The following TRAK2 variants were observed in gnomAD, a reference collection of about 807,000 sequenced individuals.
TRAK2 encodes trafficking kinesin-binding protein 2.
A neutral mutation model predicts 104.6 loss-of-function variants in TRAK2; 81 were observed. The ratio of observed to expected loss-of-function variants is 0.77; its 90% confidence interval spans 0.65 to 0.93. The LOEUF (loss-of-function observed/expected upper bound fraction) is 0.93, where lower values mean the gene tolerates loss of function less well. TRAK2 is among the 40% of genes least tolerant of loss of function. The pLI, the probability that TRAK2 is intolerant of heterozygous loss-of-function variation, is 0.00. For missense variants in TRAK2, 1,002 were observed against 1,089.0 expected (o/e 0.92, Z 1.12); for synonymous variants, 406 against 394.4 (o/e 1.03, Z -0.35).
intron 3 of TRAK2, among the ~76,000 whole-genome samples, chr2:201,405,684 G>T (rs576073472): frequency 6.6e-6 from 1 of 152,260 alleles, no homozygotes; most frequent in South Asian, 2.1e-4. Flanking sequence ...ATTTCAGTTT[G>T]AAAGTTCTCA....
intron 1 of TRAK2, among the ~76,000 whole-genome samples, chr2:201,437,577 C>A (rs74987620): frequency 6.6e-6 from 1 of 152,162 alleles, no homozygotes; most frequent in Admixed American, 6.5e-5. Flanking sequence ...CACCAATTCA[C>A]CTGATCAGCA....
intron 2 of TRAK2, among the ~76,000 whole-genome samples, chr2:201,418,474 AT>A (rs577995484): frequency 4.9e-4 from 75 of 152,328 alleles, no homozygotes; most frequent in African/African-American, 1.8e-3. Flanking sequence ...GGCCAGAATA[AT>A]TTTTGAAAAA....
intron 2 of TRAK2, chr2:201,411,585 T>C (rs1318706285): frequency 2.6e-6 from 2 of 775,684 alleles, no homozygotes; most frequent in Non-Finnish European, 4.7e-6. Flanking sequence ...ATTAAGATTG[T>C]TTTCAATACT....
chr2:201,435,943 A>T (rs2125660772), intron 1 of TRAK2, among the ~76,000 whole-genome samples: 1 of 152,284 alleles, frequency 6.6e-6, no homozygotes, highest in Non-Finnish European at 1.5e-5. Flanking sequence ...AAACCTTCAC[A>T]TGCAACTGAA....
At chr2:201,401,828 G>C (rs1372137524) in intron 3 of TRAK2, among the ~76,000 whole-genome samples, 1 of 152,034 alleles carries the variant, frequency 6.6e-6, no homozygotes, top group Non-Finnish European at 1.5e-5. Flanking sequence ...AATGATTCCA[G>C]TCACACTAAA....
intron 13 of TRAK2, among the ~76,000 whole-genome samples, 174 bp from the exon 14 acceptor site, chr2:201,386,658 G>A (rs1951393974): frequency 6.6e-6 from 1 of 152,188 alleles, no homozygotes; most frequent in Admixed American, 6.5e-5. Flanking sequence ...AAGATGACAA[G>A]ATGTCAAAGG....
At chr2:201,430,211 C>T (rs10931947) in intron 1 of TRAK2, among the ~76,000 whole-genome samples, 2,553 of 152,258 alleles carry the variant, frequency 0.017, 34 homozygotes, top group Middle Eastern at 0.041. Context: ...GAGGGGTACC[C>T]GGCTGTATGA....
chr2:201,436,294 A>T (rs960784266), intron 1 of TRAK2, among the ~76,000 whole-genome samples: 3 of 152,168 alleles, frequency 2.0e-5, no homozygotes, highest in Non-Finnish European at 4.4e-5. Flanking sequence ...ATCTGTGGGT[A>T]CTAAAATATG....
At chr2:201,411,019 C>T (rs1439747578) in intron 2 of TRAK2, 2 of 1,363,894 alleles carry the variant, frequency 1.5e-6, no homozygotes, top group African/African-American at 2.9e-5. Context: ...ACATTTAGGC[C>T]ATTTGTCAAA....
At chr2:201,386,519 G>A (rs1250545197) in intron 13 of TRAK2, 35 bp from the exon 14 acceptor site, 2 of 1,604,002 alleles carry the variant, frequency 1.2e-6, no homozygotes, top group Non-Finnish European at 8.5e-7. Context: ...GGAAAGGCAT[G>A]TTTTACATTT....
intron 3 of TRAK2, 91 bp downstream of exon 3, chr2:201,407,312 C>T (rs1283970794): frequency 9.1e-7 from 1 of 1,097,954 alleles, no homozygotes; most frequent in Non-Finnish European, 1.3e-6. Context: ...TGAACAATGG[C>T]TACTAAACAT....
intron 15 of TRAK2, among the ~76,000 whole-genome samples, chr2:201,381,872 C>G (rs1482381203): frequency 6.6e-6 from 1 of 152,006 alleles, no homozygotes; most frequent in African/African-American, 2.4e-5. Flanking sequence ...CAACCTTGAC[C>G]TGAAACATGT....
intron 5 of TRAK2, among the ~76,000 whole-genome samples, chr2:201,398,885 T>TAAAAATAA (rs1951524878): frequency 6.6e-6 from 1 of 152,086 alleles, no homozygotes; most frequent in African/African-American, 2.4e-5. Flanking sequence ...CGAAACCAGA[T>TAAAAATAA]AAAAATAACA....
chr2:201,398,139 A>G lies in TRAK2; in HGVS notation c.690+6T>C. On this transcript the variant is annotated splice_donor_region_variant and intron_variant, in intron 6 of 15. Coordinates refer to ENST00000332624, the MANE Select transcript of TRAK2 (RefSeq NM_015049.3). The stretch of plus-strand genomic sequence containing the variant: ...TAAAGGAAAATGGCAATTAGGTTGA[A>G]CGTACCTTGGATCGAAGAGCCATAT... The G allele has an allele frequency of 6.2e-7, 1 of 1,613,108 alleles. No individual in the cohort carries two copies. Among genetic ancestry groups the G allele is most frequent in the Non-Finnish European group, 8.5e-7 (1 of 1,179,180 alleles).
chr2:201,423,245 T>C (rs1451083999), intron 1 of TRAK2, among the ~76,000 whole-genome samples: 1 of 152,154 alleles, frequency 6.6e-6, no homozygotes, highest in East Asian at 1.9e-4. Flanking sequence ...AGCCCTAATT[T>C]TTCTATATTT....
At chr2:201,398,506 A>G (rs186377114) in intron 5 of TRAK2, 152 bp from the exon 6 acceptor site, 1 of 695,308 alleles carries the variant, frequency 1.4e-6, no homozygotes, top group Admixed American at 2.9e-5. Flanking sequence ...CAAGTACTAA[A>G]AAGAGAATAA....
intron 1 of TRAK2, among the ~76,000 whole-genome samples, chr2:201,432,985 C>A (rs554387918): frequency 2.0e-5 from 3 of 152,240 alleles, no homozygotes; most frequent in African/African-American, 4.8e-5. Flanking sequence ...CTAATCCAGA[C>A]AAAAGATAAG....
At chr2:201,449,477 G>A (rs1372377022) in intron 1 of TRAK2, among the ~76,000 whole-genome samples, 1 of 122,410 alleles carries the variant, frequency 8.2e-6, no homozygotes, top group East Asian at 2.5e-4. Context: ...TAAAATGTTG[G>A]TTCTTTTTTT....
At chr2:201,446,976 C>A (rs1330351297) in intron 1 of TRAK2, among the ~76,000 whole-genome samples, 1 of 152,130 alleles carries the variant, frequency 6.6e-6, no homozygotes, top group African/African-American at 2.4e-5. Context: ...TTAGCTGTGC[C>A]CTTTATAATG....
Sources: allele counts gnomAD v4.1 joint callset (sites outside exome capture counted in the v4.1 genomes callset), GRCh38; gene constraint gnomAD v4.1.1; transcripts MANE v1.5; gene names NCBI Gene and HGNC (gene_info 2026-07-23, HGNC 2026-07-21).